SAR1A: variants seen among roughly 807,000 people sequenced by gnomAD.
The protein encoded by SAR1A is secretion associated Ras related GTPase 1A.
Under a neutral mutation model 22.6 loss-of-function variants are expected in SAR1A, and 6 were observed. The observed-to-expected ratio is 0.27, with a 90% CI of 0.15 to 0.52. SAR1A has a LOEUF of 0.52. SAR1A is among the 20% of genes least tolerant of loss of function. The probability of loss-of-function intolerance (pLI) is 0.96; values close to 1 mark genes in which losing one functional copy is unlikely to be tolerated. For synonymous variants in SAR1A, 70 were observed against 82.2 expected (o/e 0.85, Z 0.80); for missense variants, 145 against 245.1 (o/e 0.59, Z 2.73).
intron 4 of SAR1A, among the ~76,000 whole-genome samples, chr10:70,158,509 G>A (rs1206005980): frequency 6.6e-6 from 1 of 152,072 alleles, no homozygotes; most frequent in African/African-American, 2.4e-5. Context: ...TTTTGCTTGT[G>A]ACATGAAACG....
chr10:70,157,971 G>T, intron 4 of SAR1A, 104 bp from the exon 5 acceptor site: 1 of 726,496 alleles, frequency 1.4e-6, no homozygotes, highest in Non-Finnish European at 2.3e-6. Flanking sequence ...GTTTCAGTAA[G>T]ATTAGACTCT....
rs1440827346 is a variant in SAR1A at position 70,152,380 on chromosome 10, G to A, written c.*96C>T. On this transcript the variant is annotated 3_prime_UTR_variant, in exon 7 of 7. Transcript: ENST00000373241. Reference sequence around the variant, plus strand: ...GGCTTCTCAACGCCAGACATGGTTGGAGAGCTTTCCTTGTTCTATTAGAAA... The same window carrying A: ...GGCTTCTCAACGCCAGACATGGTTGAAGAGCTTTCCTTGTTCTATTAGAAA... 1 of 1,057,224 alleles carries A rather than the reference G, an allele frequency of 9.5e-7. No individual in the cohort carries two copies. Among genetic ancestry groups the A allele is most frequent in the East Asian group, 2.4e-5 (1 of 41,862 alleles). The allele number at this position is 1,057,224 out of a possible 1,614,324, so 65.5% of individuals were successfully genotyped here.
chr10:70,162,055 G>T, intron 1 of SAR1A, 124 bp from the exon 2 acceptor site: 1 of 704,212 alleles, frequency 1.4e-6, no homozygotes, highest in Non-Finnish European at 2.4e-6. Context: ...GAATAAGAAA[G>T]CAGGCCAGGC....
In SAR1A at chr10:70,152,188, C is replaced by T; in HGVS notation, c.*288G>A. ...AACCACAGTGGTGAGACGTGTTTTT[C>T]TTTTCAGGTGCCCCATGATGGCATA... On this transcript the variant is annotated 3_prime_UTR_variant, in exon 7 of 7. Coordinates refer to ENST00000373241, the MANE Select transcript of SAR1A (RefSeq NM_020150.5). The T allele has an allele frequency of 2.2e-6, 1 of 449,600 alleles. No homozygotes were observed. The highest frequency in any genetic ancestry group is 2.1e-5 in the South Asian group (1 of 48,218). The allele number at this position is 449,600 out of a possible 1,614,324, so 27.9% of individuals were successfully genotyped here. A position where few individuals can be genotyped will look rare whatever the true frequency, so the allele number is the denominator to read the frequency against.
intron 5 of SAR1A, 142 bp from the exon 6 acceptor site, chr10:70,154,111 T>C (rs1300187477): frequency 6.9e-6 from 4 of 579,728 alleles, no homozygotes; most frequent in Non-Finnish European, 8.6e-6. Flanking sequence ...ACTTTATACC[T>C]GAGTGATTAA....
chr10:70,157,933 G>A, intron 4 of SAR1A, 66 bp from the exon 5 acceptor site: 1 of 1,091,372 alleles, frequency 9.2e-7, no homozygotes, highest in African/African-American at 1.6e-5. Flanking sequence ...TAACCTAATG[G>A]TCTATAAAAT....
intron 3 of SAR1A, 188 bp from the exon 4 acceptor site, chr10:70,161,257 A>G: frequency 1.8e-6 from 1 of 566,710 alleles, no homozygotes; most frequent in Non-Finnish European, 3.1e-6. Flanking sequence ...TGAGCCCAGG[A>G]TTTTTGAGAC....
At chr10:70,153,671 T>C (rs1236118731) in intron 6 of SAR1A, among the ~76,000 whole-genome samples, 167 bp downstream of exon 6, 1 of 152,182 alleles carries the variant, frequency 6.6e-6, no homozygotes, top group East Asian at 1.9e-4. Context: ...TTTAAAACGT[T>C]AAAAAGAACA....
At chr10:70,166,082 C>T (rs755798613) in intron 1 of SAR1A, among the ~76,000 whole-genome samples, 6 of 152,134 alleles carry the variant, frequency 3.9e-5, no homozygotes, top group Non-Finnish European at 7.4e-5. Flanking sequence ...AAATAAGGTA[C>T]GTATTTTCTA....
intron 4 of SAR1A, among the ~76,000 whole-genome samples, chr10:70,158,419 G>A (rs1839422359): frequency 6.6e-6 from 1 of 152,204 alleles, no homozygotes; most frequent in African/African-American, 2.4e-5. Flanking sequence ...GACTAGGCCT[G>A]ACAAGTGGTT....
At chr10:70,165,480 C>G (rs1839536068) in intron 1 of SAR1A, among the ~76,000 whole-genome samples, 1 of 151,986 alleles carries the variant, frequency 6.6e-6, no homozygotes, top group South Asian at 2.1e-4. Flanking sequence ...TCGTGGAAAA[C>G]TTTGAGGGGT....
intron 1 of SAR1A, among the ~76,000 whole-genome samples, chr10:70,168,531 G>A (rs1839581963): frequency 6.6e-6 from 1 of 152,180 alleles, no homozygotes; most frequent in East Asian, 1.9e-4. Context: ...GGCAGAGGTT[G>A]TAGTGAGCCG....
Position 70,152,277 on chromosome 10 carries a change from G to T in SAR1A, c.*199C>A. 1.0e-6 allele frequency: 1 copy of T among 990,746 alleles called. No homozygotes were observed. The allele number at this position is 990,746 out of a possible 1,614,324, so 61.4% of individuals were successfully genotyped here. ...AGGATACTGACCTGCACCAGCACGT[G>T]GGGCAGCATTACCTCCCAACAGTGT... On this transcript the variant is annotated 3_prime_UTR_variant, in exon 7 of 7. Coordinates refer to ENST00000373241, the MANE Select transcript of SAR1A (RefSeq NM_020150.5).
intron 4 of SAR1A, among the ~76,000 whole-genome samples, chr10:70,160,003 G>C (rs920434411): frequency 6.6e-6 from 1 of 152,206 alleles, no homozygotes; most frequent in Non-Finnish European, 1.5e-5. Context: ...ACTTGTATCA[G>C]AGTAATCACA....
At chr10:70,163,824 G>T (rs1326883443) in intron 1 of SAR1A, 1 of 1,490,798 alleles carries the variant, frequency 6.7e-7, no homozygotes, top group African/African-American at 1.4e-5. Context: ...CACAGAAGCA[G>T]AGTTACAGGA....
At chr10:70,160,637 G>A (rs1300074187) in intron 4 of SAR1A, among the ~76,000 whole-genome samples, 3 of 152,134 alleles carry the variant, frequency 2.0e-5, no homozygotes, top group Non-Finnish European at 4.4e-5. Flanking sequence ...TAAAAATGTA[G>A]TAAAGATTAA....
chr10:70,153,918 T>C lies in SAR1A; in HGVS notation c.400A>G (p.Asn134Asp), dbSNP rs1315605971. ...ATTGCATCTGTTCTGTCAATTTTGTTACCCAAGATAAGGATTGGCACATTG... is the reference window on the plus strand; with the variant it reads ...ATTGCATCTGTTCTGTCAATTTTGTCACCCAAGATAAGGATTGGCACATTG... ...ISNVPILILGNKIDRTDAISE... is the reference protein window; with the variant it reads ...ISNVPILILGDKIDRTDAISE... Residue 134 changes from asparagine (N) to aspartate (D), a missense_variant, in exon 6 of 7, where the codon AAC (asparagine) becomes GAC (aspartate). By Grantham distance (23) the Asn-to-Asp change is conservative (BLOSUM62 1). Coordinates refer to ENST00000373241, the MANE Select transcript of SAR1A (RefSeq NM_020150.5). The C allele has an allele frequency of 6.2e-7, 1 of 1,608,804 alleles. No individual in the cohort carries two copies. Among genetic ancestry groups the C allele is most frequent in the Admixed American group, 1.7e-5 (1 of 59,290 alleles).
intron 4 of SAR1A, among the ~76,000 whole-genome samples, chr10:70,159,567 G>A (rs995146676): frequency 2.0e-5 from 3 of 152,034 alleles, no homozygotes; most frequent in African/African-American, 4.8e-5. Flanking sequence ...AGCCCAGGAA[G>A]TAGAGGTTGC....
Position 70,152,573 on chromosome 10 carries a change from T to A in SAR1A, c.500A>T (p.Glu167Val), listed in dbSNP as rs759156932. ...TTGKGNVTLKELNARPMEVFM... is the reference protein window; with the variant it reads ...TTGKGNVTLKVLNARPMEVFM... ...CACTTCCATGGGGCGAGCATTCAGC[T>A]CCTTCAGGGTCACATTCCCCTAAAG... Residue 167 changes from glutamate (E) to valine (V), a missense_variant, in exon 7 of 7, where the codon GAG (glutamate) becomes GTG (valine). By Grantham distance (121) the Glu-to-Val change is moderately radical. Transcript: ENST00000373241. The A allele has an allele frequency of 1.2e-6, 2 of 1,613,840 alleles. No individual in the cohort carries two copies. Among genetic ancestry groups the A allele is most frequent in the Middle Eastern group, 1.6e-4 (1 of 6,062 alleles).
Sources: gnomAD v4.1 joint callset for allele counts (sites outside exome capture counted in the v4.1 genomes callset) on GRCh38, gnomAD v4.1.1 for gene constraint, MANE v1.5 for transcripts, NCBI Gene and HGNC (gene_info 2026-07-23, HGNC 2026-07-21) for gene names.